SNTB1: variants seen among roughly 807,000 people sequenced by gnomAD.
The protein encoded by SNTB1 is syntrophin beta 1, also known as beta-1-syntrophin.
In SNTB1, 36 loss-of-function variants were observed where a neutral mutation model predicts 48.9. The ratio of observed to expected loss-of-function variants is 0.74; its 90% CI spans 0.56 to 0.97. The LOEUF (loss-of-function observed/expected upper bound fraction) is 0.97, where lower values mean the gene tolerates loss of function less well. Among genes scored for constraint, SNTB1 ranks in the 50% least tolerant of loss-of-function variants. The pLI, the probability that SNTB1 is intolerant of heterozygous loss-of-function variation, is 0.00. For synonymous variants in SNTB1, 299 were observed against 294.6 expected, an observed-to-expected ratio of 1.01 and a Z score of -0.15; for missense variants, 786 against 703.4, an observed-to-expected ratio of 1.12 and a Z score of -1.33.
intron 2 of SNTB1, among the ~76,000 whole-genome samples, chr8:120,656,024 C>G (rs1052544867): frequency 6.6e-6 from 1 of 152,134 alleles, no homozygotes; most frequent in African/African-American, 2.4e-5. Context: ...GCAGCATTCA[C>G]AGTGTGGTTG....
intron 3 of SNTB1, among the ~76,000 whole-genome samples, chr8:120,629,302 A>G (rs908099111): frequency 1.4e-4 from 22 of 152,300 alleles, no homozygotes; most frequent in African/African-American, 5.3e-4. Context: ...ATTTGCACTA[A>G]ATGGAATTTT....
intron 2 of SNTB1, among the ~76,000 whole-genome samples, chr8:120,679,391 A>G (rs1290658496): frequency 6.6e-6 from 1 of 152,214 alleles, no homozygotes; most frequent in Non-Finnish European, 1.5e-5. Flanking sequence ...CCAAAAGCCT[A>G]AACCTTTCCT....
chr8:120,547,979 T>A (rs1815411227), intron 5 of SNTB1, among the ~76,000 whole-genome samples: 1 of 152,158 alleles, frequency 6.6e-6, no homozygotes, highest in Non-Finnish European at 1.5e-5. Context: ...TGAAATGTAA[T>A]CCCCAGTATG....
intron 3 of SNTB1, among the ~76,000 whole-genome samples, chr8:120,627,963 C>G (rs2032997146): frequency 6.6e-6 from 1 of 152,192 alleles, no homozygotes; most frequent in Non-Finnish European, 1.5e-5. Context: ...TTATTTGAAG[C>G]ATATTGCTCA....
chr8:120,781,114 C>T (rs757813177), intron 1 of SNTB1, among the ~76,000 whole-genome samples: 1 of 152,184 alleles, frequency 6.6e-6, no homozygotes, highest in African/African-American at 2.4e-5. Flanking sequence ...TGTGGACCTA[C>T]AGGCTATGGG....
chr8:120,725,570 ACTTT>A (rs1164429947), intron 1 of SNTB1, among the ~76,000 whole-genome samples: 6 of 152,340 alleles, frequency 3.9e-5, no homozygotes, highest in African/African-American at 1.2e-4. Flanking sequence ...TTTGGAAGCC[ACTTT>A]CTTTGTTTGT....
intron 1 of SNTB1, among the ~76,000 whole-genome samples, chr8:120,789,952 C>G (rs910658888): frequency 2.6e-5 from 4 of 151,886 alleles, no homozygotes; most frequent in Admixed American, 6.6e-5. Flanking sequence ...AAGCTACAGA[C>G]CAATGTATTT....
chr8:120,566,942 A>G (rs749788619), intron 4 of SNTB1, among the ~76,000 whole-genome samples: 1 of 152,216 alleles, frequency 6.6e-6, no homozygotes, highest in Non-Finnish European at 1.5e-5. Context: ...ACTTTTATAT[A>G]TGATACACTC....
intron 1 of SNTB1, among the ~76,000 whole-genome samples, chr8:120,701,457 C>A (rs564769778): frequency 1.8e-3 from 279 of 152,198 alleles, no homozygotes; most frequent in Non-Finnish European, 3.5e-3. Context: ...CCTTTTCTGA[C>A]AACATTAAAA....
chr8:120,784,348 A>G (rs1323254962), intron 1 of SNTB1, among the ~76,000 whole-genome samples: 1 of 151,962 alleles, frequency 6.6e-6, no homozygotes, highest in African/African-American at 2.4e-5. Context: ...TATCCAAGGG[A>G]GTCTTGGAAC....
intron 3 of SNTB1, among the ~76,000 whole-genome samples, chr8:120,613,586 G>A (rs1398114586): frequency 6.6e-6 from 1 of 152,148 alleles, no homozygotes; most frequent in Non-Finnish European, 1.5e-5. Flanking sequence ...GTAATGTCAT[G>A]TACTACAATA....
intron 4 of SNTB1, among the ~76,000 whole-genome samples, chr8:120,555,748 G>C (rs1462828462): frequency 6.6e-6 from 1 of 152,092 alleles, no homozygotes; most frequent in Non-Finnish European, 1.5e-5. Flanking sequence ...CCTACAAGGA[G>C]GTAATAAAGG....
At chr8:120,810,184 CCG>C (rs1820401594) in intron 1 of SNTB1, among the ~76,000 whole-genome samples, 1 of 152,130 alleles carries the variant, frequency 6.6e-6, no homozygotes, top group Non-Finnish European at 1.5e-5. Context: ...ACTCCAGATA[CCG>C]CAATCTACAG....
intron 3 of SNTB1, among the ~76,000 whole-genome samples, chr8:120,592,331 C>T (rs2130708936): frequency 6.6e-6 from 1 of 152,002 alleles, no homozygotes; most frequent in South Asian, 2.1e-4. Flanking sequence ...AGGTGTGTGC[C>T]ACCACACCAG....
At chr8:120,801,277 C>T (rs570235116) in intron 1 of SNTB1, among the ~76,000 whole-genome samples, 186 of 152,046 alleles carry the variant, frequency 1.2e-3, no homozygotes, top group African/African-American at 4.3e-3. Flanking sequence ...TTAAGTTTCA[C>T]TTTGCTAATG....
chr8:120,700,846 T>A (rs974325425), intron 1 of SNTB1, among the ~76,000 whole-genome samples: 1 of 152,220 alleles, frequency 6.6e-6, no homozygotes, highest in East Asian at 1.9e-4. Context: ...GACTGGTTTC[T>A]AAGGAGCCGG....
intron 1 of SNTB1, among the ~76,000 whole-genome samples, chr8:120,712,755 G>A (rs1587108311): frequency 6.6e-6 from 1 of 152,122 alleles, no homozygotes; most frequent in East Asian, 1.9e-4. Flanking sequence ...ACTATGAACT[G>A]TCCATGAATG....
intron 2 of SNTB1, among the ~76,000 whole-genome samples, chr8:120,685,313 C>A (rs1818011414): frequency 6.6e-6 from 1 of 152,240 alleles, no homozygotes; most frequent in Non-Finnish European, 1.5e-5. Flanking sequence ...CCTCTGTTCT[C>A]TTTCTGGGCC....
chr8:120,709,927 T>G (rs1426303700), intron 1 of SNTB1, among the ~76,000 whole-genome samples: 6 of 149,778 alleles, frequency 4.0e-5, no homozygotes, highest in Non-Finnish European at 7.4e-5. Context: ...AAAAAAAAGG[T>G]ATGCCATAAA....
Sources: gnomAD v4.1 joint callset for allele counts (sites outside exome capture counted in the v4.1 genomes callset) on GRCh38, gnomAD v4.1.1 for gene constraint, MANE v1.5 for transcripts, NCBI Gene and HGNC (gene_info 2026-07-23, HGNC 2026-07-21) for gene names.